GALNT17: variants seen among roughly 807,000 people sequenced by gnomAD.
GALNT17 encodes polypeptide N-acetylgalactosaminyltransferase 17.
Under a neutral mutation model 63.7 loss-of-function variants are expected in GALNT17, and 29 were observed. The ratio of observed to expected loss-of-function variants is 0.46; its 90% CI spans 0.34 to 0.62. GALNT17 has a LOEUF of 0.62. Ranked by LOEUF, GALNT17 falls within the 20% of genes least tolerant of loss-of-function variation. GALNT17 has a pLI of 0.01. For missense variants in GALNT17, 603 were observed against 799.6 expected, an observed-to-expected ratio of 0.75 and a Z score of 2.97; for synonymous variants, 305 against 318.3, an observed-to-expected ratio of 0.96 and a Z score of 0.45.
At chr7:71,571,239 T>A in intron 5 of GALNT17, 46 bp from the exon 6 acceptor site, 3 of 1,557,190 alleles carry the variant, frequency 1.9e-6, no homozygotes, top group Non-Finnish European at 2.7e-6. Context: ...GAAGGGCTTC[T>A]GGCACTGACA....
intron 5 of GALNT17, among the ~76,000 whole-genome samples, chr7:71,474,284 G>A (rs764054766): frequency 2.6e-5 from 4 of 152,088 alleles, no homozygotes; most frequent in African/African-American, 4.8e-5. Context: ...CTTCTTTACC[G>A]CAGCCTGTTT....
At chr7:71,217,263 T>C (rs1789502387) in intron 1 of GALNT17, among the ~76,000 whole-genome samples, 1 of 150,776 alleles carries the variant, frequency 6.6e-6, no homozygotes, top group African/African-American at 2.4e-5. Flanking sequence ...GCATGAGCCA[T>C]TGTGCCCGGT....
chr7:71,321,926 T>TTCCTTCCTTC (rs1563001256), intron 1 of GALNT17, among the ~76,000 whole-genome samples: 45 of 39,686 alleles, frequency 1.1e-3, no homozygotes, highest in African/African-American at 4.0e-3. Flanking sequence ...TTCCTTCCCC[T>TTCCTTCCTTC]CCCTCCCTCC....
At chr7:71,400,574 A>C (rs540924718) in intron 3 of GALNT17, among the ~76,000 whole-genome samples, 1 of 152,358 alleles carries the variant, frequency 6.6e-6, no homozygotes, top group African/African-American at 2.4e-5. Flanking sequence ...AAATATCGAC[A>C]ACTATTTTTA....
intron 5 of GALNT17, among the ~76,000 whole-genome samples, chr7:71,440,374 AT>A (rs11297830): frequency 0.57 from 69,445 of 122,880 alleles, 18,612 homozygotes; most frequent in Non-Finnish European, 0.65. Context: ...TTCTTTCTTA[AT>A]TTTTTTTTTT....
At chr7:71,526,371 C>G (rs1188673846) in intron 5 of GALNT17, among the ~76,000 whole-genome samples, 1 of 151,758 alleles carries the variant, frequency 6.6e-6, no homozygotes, top group Non-Finnish European at 1.5e-5. Context: ...CAAAATCAGA[C>G]AAGACTTCTC....
chr7:71,258,157 C>A (rs1005363299), intron 1 of GALNT17, among the ~76,000 whole-genome samples: 2 of 152,224 alleles, frequency 1.3e-5, no homozygotes, highest in African/African-American at 4.8e-5. Flanking sequence ...GAAGCTGCTT[C>A]CTGGGAGAAT....
At chr7:71,449,732 T>A (rs911853522) in intron 5 of GALNT17, among the ~76,000 whole-genome samples, 9 of 152,158 alleles carry the variant, frequency 5.9e-5, no homozygotes, top group Admixed American at 1.3e-4. Flanking sequence ...GATTTATTAA[T>A]CTTTTGAATT....
chr7:71,560,511 G>A (rs140640509), intron 5 of GALNT17, among the ~76,000 whole-genome samples: 97 of 152,330 alleles, frequency 6.4e-4, no homozygotes, highest in African/African-American at 2.1e-3. Context: ...GAAAGTGACA[G>A]GAGGGTTTTA....
At chr7:71,240,121 T>C (rs547563540) in intron 1 of GALNT17, among the ~76,000 whole-genome samples, 1 of 152,140 alleles carries the variant, frequency 6.6e-6, no homozygotes. Flanking sequence ...CTTGCCTAAC[T>C]CTTTTGGATC....
rs534387478 is a variant in GALNT17 at position 71,457,320 on chromosome 7, G to A, written c.962+36215G>A. 1.6e-3 allele frequency among the ~76,000 whole-genome samples: 240 copies of A among 152,310 alleles called. 2 individuals are homozygous for A. Among genetic ancestry groups the A allele is most frequent in the Non-Finnish European group, 2.9e-3 (196 of 68,024 alleles). Reference sequence around the variant, plus strand: ...AAAATAGGAAGCAGGTTTGCCTGATGTAGTTCCCAGCGTGACTTTTCCCTT... The same window carrying A: ...AAAATAGGAAGCAGGTTTGCCTGATATAGTTCCCAGCGTGACTTTTCCCTT... On this transcript the variant is annotated intron_variant, in intron 5 of 10. Transcript: ENST00000333538.
intron 1 of GALNT17, chr7:71,300,709 T>A: frequency 3.9e-6 from 1 of 256,426 alleles, no homozygotes; most frequent in Non-Finnish European, 7.8e-6. Context: ...GAAAAGGGAT[T>A]TCCAGAATTC....
chr7:71,468,504 T>C (rs560988488), intron 5 of GALNT17, among the ~76,000 whole-genome samples: 1 of 152,158 alleles, frequency 6.6e-6, no homozygotes, highest in East Asian at 1.9e-4. Flanking sequence ...GCAGCCTCCA[T>C]CTCCCAGGTT....
chr7:71,309,927 C>T (rs948519586), intron 1 of GALNT17, among the ~76,000 whole-genome samples: 3 of 152,130 alleles, frequency 2.0e-5, no homozygotes, highest in African/African-American at 7.2e-5. Flanking sequence ...GTGGGAGGGA[C>T]TTGGTGGGAG....
chr7:71,455,681 C>A (rs1787342532), intron 5 of GALNT17, among the ~76,000 whole-genome samples: 1 of 152,170 alleles, frequency 6.6e-6, no homozygotes, highest in Non-Finnish European at 1.5e-5. Flanking sequence ...TGCTCATAGT[C>A]CACACTCCCC....
chr7:71,475,538 G>C (rs889847273), intron 5 of GALNT17, among the ~76,000 whole-genome samples: 1 of 152,174 alleles, frequency 6.6e-6, no homozygotes, highest in African/African-American at 2.4e-5. Flanking sequence ...AGCTCAATCA[G>C]TAATGGGAGT....
intron 1 of GALNT17, among the ~76,000 whole-genome samples, chr7:71,154,600 G>A (rs10950244): frequency 0.33 from 50,406 of 151,678 alleles, 8,733 homozygotes; most frequent in Middle Eastern, 0.37. Context: ...TTTTGGAGAC[G>A]GAGTCTCACT....
chr7:71,665,140 C>T (rs1325361455), intron 6 of GALNT17, among the ~76,000 whole-genome samples: 1 of 152,088 alleles, frequency 6.6e-6, no homozygotes, highest in Non-Finnish European at 1.5e-5. Context: ...TCATGCCTGG[C>T]TAACTTTTCT....
intron 5 of GALNT17, among the ~76,000 whole-genome samples, chr7:71,523,571 A>G (rs918235218): frequency 2.0e-5 from 3 of 151,600 alleles, no homozygotes; most frequent in African/African-American, 7.3e-5. Context: ...CCTGGACATG[A>G]TAACAAGATC....
Sources: allele counts gnomAD v4.1 joint callset (sites outside exome capture counted in the v4.1 genomes callset), GRCh38; gene constraint gnomAD v4.1.1; transcripts MANE v1.5; gene names NCBI Gene and HGNC (gene_info 2026-07-23, HGNC 2026-07-21).